The following KLHL29 variants were observed in gnomAD, a reference collection of about 807,000 sequenced individuals.
KLHL29 encodes the protein kelch-like protein 29.
In KLHL29, 21 loss-of-function variants were observed where a neutral mutation model predicts 80.4. That is an observed-to-expected ratio of 0.26 (90% CI 0.19 to 0.38). The LOEUF is 0.38. Among genes scored for constraint, KLHL29 ranks in the 10% least tolerant of loss-of-function variants. The pLI is 1.00. For missense variants in KLHL29, 867 were observed against 1,223.9 expected, an observed-to-expected ratio of 0.71 and a Z score of 4.35; for synonymous variants, 511 against 526.8, an observed-to-expected ratio of 0.97 and a Z score of 0.41.
intron 1 of KLHL29, among the ~76,000 whole-genome samples, chr2:23,432,487 A>C (rs956525068): frequency 1.3e-5 from 2 of 152,238 alleles, no homozygotes; most frequent in Non-Finnish European, 2.9e-5. Flanking sequence ...CTGGGGATTC[A>C]ACAGTGCCTG....
At chr2:23,529,656 G>C (rs1453999688) in intron 2 of KLHL29, among the ~76,000 whole-genome samples, 3 of 152,068 alleles carry the variant, frequency 2.0e-5, no homozygotes, top group Non-Finnish European at 4.4e-5. Flanking sequence ...AGGCGAGTGA[G>C]GGCAGGTGTG....
rs2149233255 is a variant in KLHL29, at chr2:23,706,333, G to GTTA, written c.2445-148_2445-147insTTA. ...CAGGTGTTTTTCTTATGCCAGCCCA[G>GTTA]GTTAGAGGGCAAAGAAGGGCAGCAA... On this transcript the variant is annotated intron_variant, in intron 13 of 13. Transcript: ENST00000486442. 1.2e-5 allele frequency: 7 copies of GTTA among 566,872 alleles called. No individual in the cohort carries two copies. In the African/African-American group the frequency reaches 1.4e-4, roughly 11 times the overall value. 35.1% of individuals were successfully genotyped at this position (566,872 alleles called of 1,614,324 possible).
At chr2:23,553,380 T>C in intron 2 of KLHL29, among the ~76,000 whole-genome samples, 1 of 152,196 alleles carries the variant, frequency 6.6e-6, no homozygotes, top group East Asian at 1.9e-4. Context: ...ACACCTTAGG[T>C]TCCTCATCCT....
intron 1 of KLHL29, among the ~76,000 whole-genome samples, chr2:23,463,791 C>T (rs149216697): frequency 6.6e-4 from 100 of 152,174 alleles, no homozygotes; most frequent in African/African-American, 2.1e-3. Context: ...ATATGCACTG[C>T]GCTTCACAAA....
At chr2:23,704,185 C>T (rs1487745094) in intron 13 of KLHL29, among the ~76,000 whole-genome samples, 1 of 152,242 alleles carries the variant, frequency 6.6e-6, no homozygotes, top group Non-Finnish European at 1.5e-5. Context: ...TGCCCCATCA[C>T]AGACAGAAGG....
chr2:23,599,588 ATATT>A (rs920047626), intron 3 of KLHL29, among the ~76,000 whole-genome samples: 4 of 151,994 alleles, frequency 2.6e-5, no homozygotes, highest in African/African-American at 7.2e-5. Context: ...ACATATATAA[ATATT>A]TATGTACTTT....
intron 1 of KLHL29, among the ~76,000 whole-genome samples, chr2:23,471,093 C>A (rs1664485068): frequency 6.6e-6 from 1 of 152,200 alleles, no homozygotes. Flanking sequence ...GGCTCGGGAG[C>A]CGGTTTCCTC....
At chr2:23,421,559 TGTGTGTC>T (rs1662804967) in intron 1 of KLHL29, among the ~76,000 whole-genome samples, 1 of 143,378 alleles carries the variant, frequency 7.0e-6, no homozygotes. Flanking sequence ...TGTGTGTGTG[TGTGTGTC>T]TGTAGCTGTG....
chr2:23,489,926 C>G (rs921724554), intron 2 of KLHL29, among the ~76,000 whole-genome samples: 6 of 152,160 alleles, frequency 3.9e-5, no homozygotes, highest in Non-Finnish European at 7.3e-5. Context: ...GACTCCTTGT[C>G]CACTCTAGGT....
intron 3 of KLHL29, among the ~76,000 whole-genome samples, chr2:23,627,612 G>A (rs1669349213): frequency 6.6e-6 from 1 of 152,200 alleles, no homozygotes; most frequent in African/African-American, 2.4e-5. Context: ...CCGCCTCCGA[G>A]GCCGTGTGTG....
In KLHL29 at chr2:23,576,880, G is replaced by A. The variant is rs117249669; in HGVS notation, c.285+14399G>A. Among the ~76,000 whole-genome samples the A allele has an allele frequency of 3.1e-4, 47 of 152,294 alleles. 1 individual carries two copies. In the East Asian group the frequency reaches 8.3e-3, roughly 27 times the overall value. On this transcript the variant is annotated intron_variant, in intron 3 of 13. Coordinates refer to ENST00000486442, the MANE Select transcript of KLHL29 (RefSeq NM_052920.2). ...CTCACACCCACCTCTGGCCCCCTCAGTGGCAAAGACTTGAGCCTTGATAGA... is the reference window on the plus strand; with the variant it reads ...CTCACACCCACCTCTGGCCCCCTCAATGGCAAAGACTTGAGCCTTGATAGA...
chr2:23,657,713 T>C (rs1032907286), intron 5 of KLHL29, among the ~76,000 whole-genome samples: 2 of 152,196 alleles, frequency 1.3e-5, no homozygotes, highest in African/African-American at 4.8e-5. Flanking sequence ...GAGTTTTGGC[T>C]GGCATCTCCT....
At chr2:23,544,870 G>A (rs1037590590) in intron 2 of KLHL29, among the ~76,000 whole-genome samples, 1 of 152,180 alleles carries the variant, frequency 6.6e-6, no homozygotes, top group African/African-American at 2.4e-5. Context: ...ACAAGAGAGG[G>A]GAGTGAGCAC....
chr2:23,652,560 G>T (rs1670114672), intron 5 of KLHL29, among the ~76,000 whole-genome samples: 1 of 152,156 alleles, frequency 6.6e-6, no homozygotes, highest in Non-Finnish European at 1.5e-5. Flanking sequence ...TTTACCATGT[G>T]CATGTCCTCC....
intron 2 of KLHL29, among the ~76,000 whole-genome samples, chr2:23,491,212 A>T (rs1375009102): frequency 6.6e-6 from 1 of 151,968 alleles, no homozygotes; most frequent in East Asian, 1.9e-4. Context: ...GTGGAAGCTC[A>T]CTGCCCCTCA....
At chr2:23,505,830 A>G (rs1665582454) in intron 2 of KLHL29, among the ~76,000 whole-genome samples, 1 of 152,226 alleles carries the variant, frequency 6.6e-6, no homozygotes, top group Admixed American at 6.5e-5. Flanking sequence ...GGTTTACATC[A>G]GAAGTGTCCT....
At chr2:23,585,468 G>T (rs569445085) in intron 3 of KLHL29, among the ~76,000 whole-genome samples, 1 of 152,318 alleles carries the variant, frequency 6.6e-6, no homozygotes, top group African/African-American at 2.4e-5. Context: ...CAGATGGACT[G>T]CCGGCTGCAT....
intron 2 of KLHL29, among the ~76,000 whole-genome samples, chr2:23,533,400 G>A (rs1414892265): frequency 2.0e-5 from 3 of 152,264 alleles, no homozygotes; most frequent in Admixed American, 1.3e-4. Context: ...TAAGCAGGGA[G>A]GGGTCCTGTG....
chr2:23,519,479 G>A (rs1303561946), intron 2 of KLHL29, among the ~76,000 whole-genome samples: 3 of 152,176 alleles, frequency 2.0e-5, no homozygotes, highest in South Asian at 2.1e-4. Context: ...GGCCAGCCCC[G>A]CAGCAGAATG....
Sources: allele counts gnomAD v4.1 joint callset (sites outside exome capture counted in the v4.1 genomes callset), GRCh38; gene constraint gnomAD v4.1.1; transcripts MANE v1.5; gene names NCBI Gene and HGNC (gene_info 2026-07-23, HGNC 2026-07-21).